Variants in LRRC4C observed in about 807,000 individuals in gnomAD.
The protein encoded by LRRC4C is leucine-rich repeat-containing protein 4C.
A neutral mutation model predicts 33.6 loss-of-function variants in LRRC4C; 5 were observed. The ratio of observed to expected loss-of-function variants is 0.15; its 90% confidence interval spans 0.08 to 0.31. The LOEUF (loss-of-function observed/expected upper bound fraction) is 0.31, where lower values mean the gene tolerates loss of function less well. Among genes scored for constraint, LRRC4C ranks in the 10% least tolerant of loss-of-function variants. The pLI is 1.00. For missense variants in LRRC4C, 560 were observed against 796.7 expected (o/e 0.70, Z 3.58); for synonymous variants, 329 against 302.0 (o/e 1.09, Z -0.93).
intron 2 of LRRC4C, among the ~76,000 whole-genome samples, chr11:40,822,352 T>C (rs865882960): frequency 6.6e-6 from 1 of 151,614 alleles, no homozygotes. Context: ...TTTTTTTTTT[T>C]ATCGCTGAAT....
chr11:40,842,774 G>A lies in LRRC4C; in HGVS notation c.-407+90861C>T, dbSNP rs6485231. On this transcript the variant is annotated intron_variant, in intron 2 of 6. Transcript: ENST00000528697. Reference sequence around the variant, plus strand: ...ATAGTAGAACCGTGGTTCTCAAGTGGGTCCTAGATCATAAACATTACAATC... The same window carrying A: ...ATAGTAGAACCGTGGTTCTCAAGTGAGTCCTAGATCATAAACATTACAATC... 3.0e-3 allele frequency among the ~76,000 whole-genome samples: 460 copies of A among 152,024 alleles called. 3 individuals carry two copies. Among genetic ancestry groups the A allele is most frequent in the African/African-American group, 0.011 (444 of 41,468 alleles).
At chr11:40,544,687 T>G (rs1956848665) in intron 3 of LRRC4C, among the ~76,000 whole-genome samples, 1 of 152,114 alleles carries the variant, frequency 6.6e-6, no homozygotes, top group South Asian at 2.1e-4. Context: ...AATCCATTAT[T>G]TAGTTACTTA....
At chr11:40,131,756 C>T (rs543816775) in intron 6 of LRRC4C, among the ~76,000 whole-genome samples, 1 of 152,232 alleles carries the variant, frequency 6.6e-6, no homozygotes. Context: ...TTATTGTCTT[C>T]ATTGTTTCCA....
intron 5 of LRRC4C, among the ~76,000 whole-genome samples, chr11:40,153,701 T>C (rs573392612): frequency 6.6e-6 from 1 of 152,168 alleles, no homozygotes; most frequent in Admixed American, 6.5e-5. Flanking sequence ...AATTCAGAGC[T>C]TGAAGACAAT....
At chr11:41,018,707 T>G (rs1855755355) in intron 1 of LRRC4C, among the ~76,000 whole-genome samples, 1 of 152,126 alleles carries the variant, frequency 6.6e-6, no homozygotes, top group African/African-American at 2.4e-5. Flanking sequence ...TACCAAAAGC[T>G]ATTTTCAGCA....
At chr11:40,652,136 C>A (rs1051827594) in intron 2 of LRRC4C, among the ~76,000 whole-genome samples, 1 of 152,292 alleles carries the variant, frequency 6.6e-6, no homozygotes, top group East Asian at 1.9e-4. Flanking sequence ...CTGTTAGGTA[C>A]TATGCTAGAT....
At chr11:40,349,904 T>G (rs1239238609) in intron 3 of LRRC4C, among the ~76,000 whole-genome samples, 1 of 152,174 alleles carries the variant, frequency 6.6e-6, no homozygotes, top group African/African-American at 2.4e-5. Flanking sequence ...GAGAAATGTC[T>G]ATTCAGATCT....
chr11:41,351,064 T>C (rs946630664), intron 1 of LRRC4C, among the ~76,000 whole-genome samples: 2 of 152,106 alleles, frequency 1.3e-5, no homozygotes, highest in African/African-American at 2.4e-5. Flanking sequence ...ACCTCGTGTC[T>C]TTTAAAAATT....
At chr11:40,822,209 C>A (rs1480335222) in intron 2 of LRRC4C, among the ~76,000 whole-genome samples, 1 of 151,602 alleles carries the variant, frequency 6.6e-6, no homozygotes, top group East Asian at 1.9e-4. Context: ...AAGAGATTGA[C>A]TTTTTTAGTT....
intron 3 of LRRC4C, among the ~76,000 whole-genome samples, chr11:40,527,703 G>C: frequency 6.6e-6 from 1 of 152,236 alleles, no homozygotes; most frequent in African/African-American, 2.4e-5. Flanking sequence ...ATAATGAGTA[G>C]ATAGTTTAAT....
In LRRC4C at chr11:40,198,316, T is replaced by C. The variant is rs575639261; in HGVS notation, c.-96+43203A>G. Among the ~76,000 whole-genome samples the C allele has an allele frequency of 2.6e-5, 4 of 152,340 alleles. No homozygotes were observed. In the East Asian group the frequency reaches 7.7e-4, roughly 29 times the overall value. On this transcript the variant is annotated intron_variant, in intron 5 of 6. Transcript: ENST00000528697. ...GAAGTCTGATTCTAACTCATAAATC[T>C]ACAGCCACCTATTTTCAGCTGAGAT...
chr11:41,440,469 A>C (rs998239788), intron 1 of LRRC4C, among the ~76,000 whole-genome samples: 22 of 152,178 alleles, frequency 1.4e-4, no homozygotes, highest in Non-Finnish European at 2.4e-4. Flanking sequence ...CTCAGCATCA[A>C]GAGAACTATG....
chr11:41,351,583 G>A (rs771596061), intron 1 of LRRC4C, among the ~76,000 whole-genome samples: 1 of 152,016 alleles, frequency 6.6e-6, no homozygotes, highest in African/African-American at 2.4e-5. Context: ...AATACTGAAG[G>A]CAGCTAGAGA....
chr11:40,796,608 G>GAA (rs1950835461), intron 2 of LRRC4C, among the ~76,000 whole-genome samples: 2 of 147,864 alleles, frequency 1.4e-5, no homozygotes, highest in South Asian at 4.3e-4. Context: ...CTGGTTTAGG[G>GAA]AAAACAAAAG....
intron 3 of LRRC4C, among the ~76,000 whole-genome samples, chr11:40,466,631 A>G (rs1380998521): frequency 1.3e-5 from 2 of 151,890 alleles, no homozygotes; most frequent in Non-Finnish European, 2.9e-5. Flanking sequence ...CCTTAGAGAT[A>G]TGAATTAACT....
chr11:40,184,237 G>A (rs1179420052), intron 5 of LRRC4C, among the ~76,000 whole-genome samples: 1 of 152,122 alleles, frequency 6.6e-6, no homozygotes, highest in Non-Finnish European at 1.5e-5. Context: ...TATTCAAATT[G>A]GCTCATGGGA....
At chr11:41,420,243 A>G (rs1506723) in intron 1 of LRRC4C, among the ~76,000 whole-genome samples, 11,909 of 151,936 alleles carry the variant, frequency 0.078, 1,547 homozygotes, top group African/African-American at 0.27. Context: ...ATCCAGGGGC[A>G]ACACAGCCTT....
intron 3 of LRRC4C, among the ~76,000 whole-genome samples, chr11:40,604,753 A>AGAT (rs757402028): frequency 2.8e-4 from 43 of 152,166 alleles, no homozygotes; most frequent in Non-Finnish European, 1.3e-4. Flanking sequence ...AATATGCTAA[A>AGAT]GATGAGATAA....
chr11:40,162,792 T>A (rs374848206), intron 5 of LRRC4C, among the ~76,000 whole-genome samples: 1 of 152,212 alleles, frequency 6.6e-6, no homozygotes, highest in East Asian at 1.9e-4. Flanking sequence ...AGTTGATAAG[T>A]AGCAAAGCCA....
Sources: gnomAD v4.1 joint callset for allele counts (sites outside exome capture counted in the v4.1 genomes callset) on GRCh38, gnomAD v4.1.1 for gene constraint, MANE v1.5 for transcripts, NCBI Gene and HGNC (gene_info 2026-07-23, HGNC 2026-07-21) for gene names.